Variants in ANKS1B observed in about 807,000 individuals in gnomAD.
ANKS1B encodes ankyrin repeat and sterile alpha motif domain containing 1B, also known as ankyrin repeat and sterile alpha motif domain-containing protein 1B.
A neutral mutation model predicts 148.3 loss-of-function variants in ANKS1B; 36 were observed. That is an observed-to-expected ratio of 0.24 (90% CI 0.19 to 0.32). The LOEUF (loss-of-function observed/expected upper bound fraction) is 0.32, where lower values mean the gene tolerates loss of function less well. ANKS1B is among the 10% of genes least tolerant of loss of function. ANKS1B has a pLI of 1.00. For missense variants in ANKS1B, 1,157 were observed against 1,542.6 expected (o/e 0.75, Z 4.19); for synonymous variants, 542 against 560.8 (o/e 0.97, Z 0.47).
chr12:99,348,870 A>G (rs2091072094), intron 12 of ANKS1B, among the ~76,000 whole-genome samples: 1 of 151,996 alleles, frequency 6.6e-6, no homozygotes, highest in East Asian at 1.9e-4. Flanking sequence ...TCACCAGTAA[A>G]GGTAACTACA....
chr12:99,260,459 C>T (rs890125932), intron 12 of ANKS1B, among the ~76,000 whole-genome samples: 2 of 152,072 alleles, frequency 1.3e-5, no homozygotes, highest in African/African-American at 2.4e-5. Flanking sequence ...TTTTCTCATA[C>T]GTATCTCAAG....
chr12:99,681,313 G>T (rs926762316), intron 8 of ANKS1B, among the ~76,000 whole-genome samples: 4 of 152,180 alleles, frequency 2.6e-5, no homozygotes, highest in African/African-American at 9.7e-5. Context: ...ACTGCCTGTA[G>T]CATCCTAGCT....
rs1416069102 is a variant in ANKS1B, at chr12:98,755,168, T to C, written c.3580-3646A>G. On this transcript the variant is annotated intron_variant, in intron 25 of 26. Transcript: ENST00000683438. ...TGGGACCTCAGGACACATGTGTGAA[T>C]GGGGAAAGAACCCCCATTTTTTTGT... Among the ~76,000 whole-genome samples the C allele has an allele frequency of 2.6e-5, 4 of 152,152 alleles. No individual in the cohort carries two copies. The East Asian group carries it at 7.7e-4, about 29-fold the overall frequency.
chr12:99,183,936 T>C (rs990536961), intron 14 of ANKS1B, among the ~76,000 whole-genome samples: 1 of 152,182 alleles, frequency 6.6e-6, no homozygotes, highest in African/African-American at 2.4e-5. Context: ...AATGACAATA[T>C]GCAATGAAAA....
rs1234364929 is a variant in ANKS1B, at chr12:98,944,797, T to C, written c.2778+108360A>G. On this transcript the variant is annotated intron_variant, in intron 17 of 26. Transcript: ENST00000683438. ...AAGAGAAACATCTCCACAGTATCAG[T>C]TGTGTGGGAGTTTATGTGTAGGAAT... 3.9e-5 allele frequency among the ~76,000 whole-genome samples: 6 copies of C among 152,360 alleles called. No homozygotes were observed. The South Asian group carries it at 1.0e-3, about 26-fold the overall frequency.
intron 12 of ANKS1B, among the ~76,000 whole-genome samples, chr12:99,387,918 G>C (rs1474548369): frequency 6.7e-6 from 1 of 148,474 alleles, no homozygotes; most frequent in Non-Finnish European, 1.5e-5. Flanking sequence ...TGATGAAAAA[G>C]TACTTAAAAC....
At chr12:99,542,123 A>C (rs1200647315) in intron 9 of ANKS1B, among the ~76,000 whole-genome samples, 1 of 152,208 alleles carries the variant, frequency 6.6e-6, no homozygotes, top group Admixed American at 6.5e-5. Flanking sequence ...AAGTAAAACT[A>C]TCTTAATTTG....
chr12:99,238,925 A>G (rs1213844334), intron 14 of ANKS1B, among the ~76,000 whole-genome samples: 1 of 152,230 alleles, frequency 6.6e-6, no homozygotes, highest in Non-Finnish European at 1.5e-5. Context: ...CACCAACATC[A>G]AAGACCAAAG....
intron 17 of ANKS1B, among the ~76,000 whole-genome samples, chr12:99,047,552 C>A (rs920347700): frequency 5.3e-5 from 8 of 151,914 alleles, no homozygotes; most frequent in South Asian, 4.2e-4. Context: ...TTGCTGTAAA[C>A]CAGTGAAAAA....
At chr12:99,365,350 A>G (rs1311798533) in intron 12 of ANKS1B, among the ~76,000 whole-genome samples, 1 of 152,146 alleles carries the variant, frequency 6.6e-6, no homozygotes, top group Non-Finnish European at 1.5e-5. Context: ...TATCAGCACA[A>G]TCTGATAGAC....
intron 17 of ANKS1B, among the ~76,000 whole-genome samples, chr12:99,005,332 T>G (rs943704853): frequency 6.6e-6 from 1 of 152,084 alleles, no homozygotes; most frequent in Non-Finnish European, 1.5e-5. Flanking sequence ...AGAATCGCCC[T>G]GCACAAATAG....
intron 16 of ANKS1B, among the ~76,000 whole-genome samples, chr12:99,075,273 A>G (rs2047479661): frequency 6.6e-6 from 1 of 152,160 alleles, no homozygotes; most frequent in Non-Finnish European, 1.5e-5. Context: ...AGAACATCCC[A>G]AGTGATCTTC....
At chr12:99,910,880 T>C (rs1425383783) in intron 1 of ANKS1B, among the ~76,000 whole-genome samples, 1 of 152,182 alleles carries the variant, frequency 6.6e-6, no homozygotes, top group Non-Finnish European at 1.5e-5. Flanking sequence ...CTTGATTGTA[T>C]GAGAATGGTA....
At chr12:99,072,763 G>T (rs2046663566) in intron 16 of ANKS1B, among the ~76,000 whole-genome samples, 2 of 152,110 alleles carry the variant, frequency 1.3e-5, no homozygotes, top group Non-Finnish European at 2.9e-5. Context: ...TTGCTTAATA[G>T]TTCTCCATAG....
intron 1 of ANKS1B, among the ~76,000 whole-genome samples, chr12:99,848,909 G>C (rs1474184983): frequency 6.6e-6 from 1 of 152,090 alleles, no homozygotes; most frequent in African/African-American, 2.4e-5. Flanking sequence ...GGATGCAGCT[G>C]GAAGCCACTA....
intron 17 of ANKS1B, among the ~76,000 whole-genome samples, chr12:98,843,931 G>A (rs2099428448): frequency 6.6e-6 from 1 of 152,116 alleles, no homozygotes; most frequent in South Asian, 2.1e-4. Context: ...TTTTCTGAGT[G>A]CCCAGATATG....
Position 98,778,512 on chromosome 12 carries a change from G to A in ANKS1B, c.3441+2605C>T, listed in dbSNP as rs180889502. Among the ~76,000 whole-genome samples, 83 of 152,204 alleles carry A rather than the reference G, an allele frequency of 5.5e-4. 1 individual carries two copies. Among genetic ancestry groups the A allele is most frequent in the Non-Finnish European group, 1.0e-3 (71 of 68,042 alleles). ...CCCACTGACACAGCACTGCCCAGTG[G>A]GGGAAATCCCTGGTGAAAACAGAAA... is the stretch of plus-strand genomic sequence containing the variant. On this transcript the variant is annotated intron_variant, in intron 24 of 26. Transcript: ENST00000683438.
intron 17 of ANKS1B, among the ~76,000 whole-genome samples, chr12:98,984,479 A>G (rs938442584): frequency 3.9e-5 from 6 of 152,210 alleles, no homozygotes; most frequent in Admixed American, 3.9e-4. Flanking sequence ...ACAAGGAGAA[A>G]TCAGGCTGTA....
chr12:99,031,410 A>T (rs1322170875), intron 17 of ANKS1B, among the ~76,000 whole-genome samples: 2 of 152,170 alleles, frequency 1.3e-5, no homozygotes, highest in African/African-American at 4.8e-5. Context: ...AGTAAAATCC[A>T]TTCCAATTTC....
Sources: allele counts gnomAD v4.1 joint callset (sites outside exome capture counted in the v4.1 genomes callset), GRCh38; gene constraint gnomAD v4.1.1; transcripts MANE v1.5; gene names NCBI Gene and HGNC (gene_info 2026-07-23, HGNC 2026-07-21).